Variants in ERLIN2 observed in about 807,000 individuals in gnomAD.
The protein encoded by ERLIN2 is ER lipid raft associated 2.
ERLIN2 carries 22 observed loss-of-function variants against 41.5 expected under a neutral mutation model. The ratio of observed to expected loss-of-function variants is 0.53; its 90% CI spans 0.38 to 0.76. ERLIN2 has a LOEUF of 0.76. Ranked by LOEUF, ERLIN2 falls within the 30% of genes least tolerant of loss-of-function variation. The pLI is 0.00. For missense variants in ERLIN2, 247 were observed against 414.3 expected, an observed-to-expected ratio of 0.60 and a Z score of 3.51; for synonymous variants, 149 against 150.9, an observed-to-expected ratio of 0.99 and a Z score of 0.09.
intron 6 of ERLIN2, chr8:37,747,767 G>C: frequency 6.2e-7 from 1 of 1,609,336 alleles, no homozygotes; most frequent in South Asian, 1.1e-5. Flanking sequence ...TCAGGTCTCC[G>C]CAGATACATA....
chr8:37,742,994 G>A (rs925836902), intron 4 of ERLIN2, among the ~76,000 whole-genome samples: 3 of 152,294 alleles, frequency 2.0e-5, no homozygotes, highest in East Asian at 1.9e-4. Context: ...TGCTACAGCG[G>A]TCCCACTGGA....
In ERLIN2 at chr8:37,747,868, TCTAA is replaced by T. The variant is rs765026668; in HGVS notation, c.425-1688_425-1685del. The T allele has an allele frequency of 1.0e-4, 165 of 1,614,204 alleles. 1 individual carries two copies. Among genetic ancestry groups the T allele is most frequent in the South Asian group, 3.3e-4 (30 of 91,086 alleles). On this transcript the variant is annotated intron_variant, in intron 6 of 11. Transcript: ENST00000519638. ...GTCCCGGGGCCTCATGGGCAATTTC[TCTAA>T]CTGACAGTCCAGCACTAGGACCACC...
At position 37,756,826 on chromosome 8, in the gene ERLIN2, T is replaced by C. The variant is rs1803369378; in HGVS notation, c.*2711T>C. 1 of 152,668 alleles carries C rather than the reference T, an allele frequency of 6.6e-6. No homozygotes were observed. Among genetic ancestry groups the C allele is most frequent in the Admixed American group, 6.5e-5 (1 of 15,286 alleles). The allele number at this position is 152,668 out of a possible 1,614,324, so 9.5% of individuals were successfully genotyped here. A position where few individuals can be genotyped will look rare whatever the true frequency, so the allele number is the denominator to read the frequency against. ...TTTATAAATGGAACATCTATCAAAA[T>C]AAGTAACTGTTTATAAAATTCAGTT... On this transcript the variant is annotated 3_prime_UTR_variant, in exon 12 of 12. Coordinates refer to ENST00000519638, the MANE Select transcript of ERLIN2 (RefSeq NM_007175.8).
At position 37,753,929 on chromosome 8, in the gene ERLIN2, T is replaced by C. The variant is rs1045757166; in HGVS notation, c.834T>C (p.Pro278=). ...IAEANKLKLT[P]EYLQLMKYKA... The stretch of plus-strand genomic sequence containing the variant: ...TTTTTTAACAGCTGAAGCTAACCCC[T>C]GAATATCTGCAGCTGATGAAGTACA... Residue 278 remains proline (P), a synonymous_variant, in exon 12 of 12, where the codon CCT becomes CCC. Transcript: ENST00000519638. 1 of 1,613,448 alleles carries C rather than the reference T, an allele frequency of 6.2e-7. No individual in the cohort carries two copies.
chr8:37,749,672 C>A, intron 7 of ERLIN2, 40 bp downstream of exon 7: 2 of 1,566,254 alleles, frequency 1.3e-6, no homozygotes, highest in Non-Finnish European at 1.8e-6. Flanking sequence ...CTCTCTCTGA[C>A]ACTGCTTCCC....
chr8:37,754,107 G>A lies in ERLIN2; in HGVS notation c.1012G>A (p.Glu338Lys), dbSNP rs1217144821. ...EDEPLETATK[E>K]N is the part of the protein sequence containing the mutation. ...TGAACCCTTGGAGACGGCCACTAAG[G>A]AGAATTGAAAAAAACTTGATATGAC... Residue 338 changes from glutamate (E) to lysine (K), a missense_variant, in exon 12 of 12, where the codon GAG becomes AAG. Coordinates refer to ENST00000519638, the MANE Select transcript of ERLIN2 (RefSeq NM_007175.8). 1 of 1,613,148 alleles carries A rather than the reference G, an allele frequency of 6.2e-7. No individual in the cohort carries two copies. The highest frequency in any genetic ancestry group is 2.2e-5 in the East Asian group (1 of 44,872).
Position 37,753,943 on chromosome 8 carries a change from TG to T in ERLIN2, c.849del (p.Met284Ter). 6.2e-7 allele frequency: 1 copy of T among 1,613,792 alleles called. No individual in the cohort carries two copies. Among genetic ancestry groups the T allele is most frequent in the Non-Finnish European group, 8.5e-7 (1 of 1,179,808 alleles). On this transcript the variant is annotated frameshift_variant, in exon 12 of 12. Transcript: ENST00000519638. LOFTEE classifies it high-confidence loss of function. ...AAGCTAACCCCTGAATATCTGCAGCTGATGAAGTACAAGGCCATTGCTTCCA... is the reference window on the plus strand; with the variant it reads ...AAGCTAACCCCTGAATATCTGCAGCTATGAAGTACAAGGCCATTGCTTCCA... ...KLKLTPEYLQ[L>X]MKYKAIASNS...
At position 37,746,361 on chromosome 8, in the gene ERLIN2, C is replaced by G. The variant is rs547811147; in HGVS notation, c.424+1665C>G. ...ATACTTTGAAGTTTACCTGAAGAAC[C>G]TCTTTGTGTGTACTTAGTAATACAA... is the stretch of plus-strand genomic sequence containing the variant. On this transcript the variant is annotated intron_variant, in intron 6 of 11. Transcript: ENST00000519638. 15 of 985,170 alleles carry G rather than the reference C, an allele frequency of 1.5e-5. No individual in the cohort carries two copies. In the African/African-American group the frequency reaches 2.4e-4, roughly 16 times the overall value. 61.0% of individuals were successfully genotyped at this position (985,170 alleles called of 1,614,324 possible).
intron 6 of ERLIN2, chr8:37,745,842 TTTTC>T (rs2129689086): frequency 7.4e-7 from 1 of 1,352,228 alleles, no homozygotes; most frequent in South Asian, 1.9e-5. Flanking sequence ...TGCCGTTGAT[TTTTC>T]TTTTTAACCT....
chr8:37,743,784 A>C (rs140749471), intron 4 of ERLIN2, among the ~76,000 whole-genome samples: 1 of 152,166 alleles, frequency 6.6e-6, no homozygotes, highest in Non-Finnish European at 1.5e-5. Flanking sequence ...ACTGCAGCTT[A>C]CTTTGAAATG....
chr8:37,744,442 C>T (rs1563313194), intron 5 of ERLIN2, 26 bp downstream of exon 5: 1 of 1,611,944 alleles, frequency 6.2e-7, no homozygotes. Context: ...TTATTCCCAC[C>T]ACCAGCTCAC....
intron 4 of ERLIN2, among the ~76,000 whole-genome samples, chr8:37,742,465 A>G (rs1802884544): frequency 1.3e-5 from 2 of 148,742 alleles, no homozygotes; most frequent in Non-Finnish European, 3.0e-5. Context: ...ATGGAATACT[A>G]TGCAGCCATA....
intron 10 of ERLIN2, among the ~76,000 whole-genome samples, chr8:37,752,833 T>TGGC (rs1381595550): frequency 6.6e-6 from 1 of 152,270 alleles, no homozygotes. Flanking sequence ...GTCTGGACCA[T>TGGC]GGCGTGTAAT....
rs1471101926 is a variant in ERLIN2, at chr8:37,755,212, AT to A, written c.*1099del. 1 of 152,280 alleles carries A rather than the reference AT, an allele frequency of 6.6e-6. No homozygotes were observed. The highest frequency in any genetic ancestry group is 1.5e-5 in the Non-Finnish European group (1 of 68,060). 9.4% of individuals were successfully genotyped at this position (152,280 alleles called of 1,614,324 possible). On this transcript the variant is annotated 3_prime_UTR_variant, in exon 12 of 12. Transcript: ENST00000519638. ...GGCAGCAACGCAAGTCAGGCTGAAC[AT>A]TCAGTCTCCAGAGACAGCTGTGTGG...
rs368268528 is a variant in ERLIN2, at chr8:37,744,421, G to A, written c.298+5G>A. 24 of 1,613,574 alleles carry A rather than the reference G, an allele frequency of 1.5e-5. No individual in the cohort carries two copies. Among genetic ancestry groups the A allele is most frequent in the South Asian group, 8.8e-5 (8 of 91,066 alleles). On this transcript the variant is annotated splice_donor_5th_base_variant and intron_variant, in intron 5 of 11. Transcript: ENST00000519638. The stretch of plus-strand genomic sequence containing the variant: ...ACTTCCTGGTCCCGAACGCAGGTAC[G>A]TCTTAACAGTTTATTCCCACCACCA...
At chr8:37,753,220 G>A (rs1326180539) in intron 10 of ERLIN2, among the ~76,000 whole-genome samples, 2 of 152,342 alleles carry the variant, frequency 1.3e-5, no homozygotes, top group East Asian at 3.9e-4. Context: ...CTTGTCATAG[G>A]GAGATGCTTT....
In ERLIN2 at chr8:37,750,238, A is replaced by G. The variant is rs112004658; in HGVS notation, c.558-157A>G. 4.2e-4 allele frequency: 292 copies of G among 689,292 alleles called. 1 individual carries two copies. Among genetic ancestry groups the G allele is most frequent in the African/African-American group, 4.2e-3 (235 of 56,380 alleles). 42.7% of individuals were successfully genotyped at this position (689,292 alleles called of 1,614,324 possible). On this transcript the variant is annotated intron_variant, in intron 8 of 11. Coordinates refer to ENST00000519638, the MANE Select transcript of ERLIN2 (RefSeq NM_007175.8). ...GGAGGAGAAGAGCTATGTTACTGTC[A>G]ACAACAGATCAGCTTTTACCTGGGC...
At chr8:37,747,479 C>T (rs1347250688) in intron 6 of ERLIN2, 1 of 1,612,156 alleles carries the variant, frequency 6.2e-7, no homozygotes, top group Non-Finnish European at 8.5e-7. Flanking sequence ...GCATACGAGT[C>T]AGCAACTTCC....
At position 37,754,290 on chromosome 8, in the gene ERLIN2, A is replaced by G; in HGVS notation, c.*175A>G. 1.5e-6 allele frequency: 1 copy of G among 650,076 alleles called. No homozygotes were observed. Among genetic ancestry groups the G allele is most frequent in the Non-Finnish European group, 2.7e-6 (1 of 365,966 alleles). The allele number at this position is 650,076 out of a possible 1,614,324, so 40.3% of individuals were successfully genotyped here. A position where few individuals can be genotyped will look rare whatever the true frequency, so the allele number is the denominator to read the frequency against. Reference sequence around the variant, plus strand: ...TCTAGGGAAAGGAGGGTGGGGACTGATGATGGGGGGTTTTATTTCAGGTAA... The same window carrying G: ...TCTAGGGAAAGGAGGGTGGGGACTGGTGATGGGGGGTTTTATTTCAGGTAA... On this transcript the variant is annotated 3_prime_UTR_variant, in exon 12 of 12. Coordinates refer to ENST00000519638, the MANE Select transcript of ERLIN2 (RefSeq NM_007175.8).
Sources: allele counts gnomAD v4.1 joint callset (sites outside exome capture counted in the v4.1 genomes callset), GRCh38; gene constraint gnomAD v4.1.1; transcripts MANE v1.5; gene names NCBI Gene and HGNC (gene_info 2026-07-23, HGNC 2026-07-21).